CTNNA2: variants seen among roughly 807,000 people sequenced by gnomAD.
CTNNA2 encodes the protein catenin alpha 2, also known as catenin alpha-2.
CTNNA2 carries 42 observed loss-of-function variants against 101.0 expected under a neutral mutation model. The observed-to-expected ratio is 0.42, with a 90% CI of 0.32 to 0.54. The LOEUF (loss-of-function observed/expected upper bound fraction) is 0.54. Ranked by LOEUF, CTNNA2 falls within the 20% of genes least tolerant of loss-of-function variation. The pLI, the probability that CTNNA2 is intolerant of heterozygous loss-of-function variation, is 0.14. For missense variants in CTNNA2, 871 were observed against 1,223.1 expected, an observed-to-expected ratio of 0.71 and a Z score of 4.29; for synonymous variants, 450 against 456.4, an observed-to-expected ratio of 0.99 and a Z score of 0.18.
intron 9 of CTNNA2, among the ~76,000 whole-genome samples, chr2:80,437,573 T>C (rs1682153394): frequency 6.6e-6 from 1 of 152,240 alleles, no homozygotes; most frequent in South Asian, 2.1e-4. Context: ...CAATGCTTAT[T>C]TACCGAGTCT....
At chr2:80,039,115 T>C (rs966627773) in intron 7 of CTNNA2, among the ~76,000 whole-genome samples, 17 of 152,154 alleles carry the variant, frequency 1.1e-4, no homozygotes, top group Admixed American at 6.5e-5. Context: ...GCATGTTTTA[T>C]ATGTGTGTTT....
rs1322952012 is a variant in CTNNA2 at position 79,795,400 on chromosome 2, TA to T, written c.298+50823del. 2.0e-5 allele frequency among the ~76,000 whole-genome samples: 3 copies of T among 152,100 alleles called. No individual in the cohort carries two copies. The East Asian group carries it at 5.8e-4, about 29-fold the overall frequency. On this transcript the variant is annotated intron_variant, in intron 3 of 18. Coordinates refer to ENST00000402739, the MANE Select transcript of CTNNA2 (RefSeq NM_001282597.3). Reference sequence around the variant, plus strand: ...TTCCAAAAATCAAAATGAATTACTATAAAAATTCAAAATATTTTTATGTATG... The same window carrying T: ...TTCCAAAAATCAAAATGAATTACTATAAAATTCAAAATATTTTTATGTATG...
intron 7 of CTNNA2, among the ~76,000 whole-genome samples, chr2:80,226,367 G>A (rs990370967): frequency 1.3e-5 from 2 of 152,338 alleles, no homozygotes; most frequent in Non-Finnish European, 1.5e-5. Context: ...TCTTGAGAGT[G>A]TTACCAGAGG....
chr2:80,070,512 G>A (rs1698261313), intron 7 of CTNNA2, among the ~76,000 whole-genome samples: 1 of 152,026 alleles, frequency 6.6e-6, no homozygotes, highest in African/African-American at 2.4e-5. Flanking sequence ...TTTAACACCA[G>A]CCTGAGAAAC....
At chr2:80,242,724 C>T (rs1048055766) in intron 7 of CTNNA2, among the ~76,000 whole-genome samples, 2 of 152,146 alleles carry the variant, frequency 1.3e-5, no homozygotes, top group Non-Finnish European at 2.9e-5. Flanking sequence ...CCCCAGATGC[C>T]TCCCTTATCC....
chr2:79,797,123 T>A (rs541883197), intron 3 of CTNNA2, among the ~76,000 whole-genome samples: 1 of 152,298 alleles, frequency 6.6e-6, no homozygotes, highest in African/African-American at 2.4e-5. Context: ...AAGCTATTAA[T>A]GCCAGAGTGG....
At chr2:79,664,059 A>G (rs949549855) in intron 2 of CTNNA2, among the ~76,000 whole-genome samples, 3 of 152,238 alleles carry the variant, frequency 2.0e-5, no homozygotes, top group Non-Finnish European at 4.4e-5. Flanking sequence ...GCTTTTAAAA[A>G]GTGTGTATGA....
At chr2:80,629,219 G>C (rs796377827) in intron 18 of CTNNA2, among the ~76,000 whole-genome samples, 6 of 152,186 alleles carry the variant, frequency 3.9e-5, no homozygotes, top group African/African-American at 1.4e-4. Context: ...GAAGGTGCTG[G>C]ACATAACAGC....
At chr2:80,238,762 A>AAGTAAAACTGGCTTCCCCACAGG (rs1414022341) in intron 7 of CTNNA2, among the ~76,000 whole-genome samples, 4 of 152,112 alleles carry the variant, frequency 2.6e-5, no homozygotes, top group Admixed American at 2.6e-4. Context: ...AGGGTAAGTA[A>AAGTAAAACTGGCTTCCCCACAGG]AGTAAAACTG....
At chr2:79,568,226 GCTAA>G (rs1175624556) in intron 1 of CTNNA2, among the ~76,000 whole-genome samples, 2 of 152,140 alleles carry the variant, frequency 1.3e-5, no homozygotes, top group Admixed American at 6.6e-5. Context: ...TAAATTTATA[GCTAA>G]CTCTCATTCT....
chr2:80,302,234 G>T lies in CTNNA2; in HGVS notation c.1057-90977G>T. On this transcript the variant is annotated intron_variant, in intron 7 of 18. Coordinates refer to ENST00000402739, the MANE Select transcript of CTNNA2 (RefSeq NM_001282597.3). The surrounding 1 kb of genome is among the most constrained non-coding windows in gnomAD (Gnocchi z 6.4). ...AGGCGTATTTGGTAGCGCATGGGTT[G>T]AGAGCCACTGGGACAATCACACCTC... 1 of 1,606,412 alleles carries T rather than the reference G, an allele frequency of 6.2e-7. No homozygotes were observed. Among genetic ancestry groups the T allele is most frequent in the Non-Finnish European group, 8.5e-7 (1 of 1,176,436 alleles).
chr2:80,350,477 G>A (rs999318917), intron 7 of CTNNA2, among the ~76,000 whole-genome samples: 1 of 152,112 alleles, frequency 6.6e-6, no homozygotes, highest in African/African-American at 2.4e-5. Context: ...CAAGTGCAAC[G>A]CAGTTGCTAC....
intron 7 of CTNNA2, among the ~76,000 whole-genome samples, chr2:80,285,890 A>G (rs554828277): frequency 9.0e-4 from 137 of 152,320 alleles, no homozygotes; most frequent in African/African-American, 3.2e-3. Flanking sequence ...ACAAAGGTAA[A>G]AACATTTCAC....
chr2:79,635,324 C>T (rs1426914623), intron 1 of CTNNA2, among the ~76,000 whole-genome samples: 1 of 151,410 alleles, frequency 6.6e-6, no homozygotes, highest in Non-Finnish European at 1.5e-5. Flanking sequence ...CCCAGCTACT[C>T]GGGAGGCTGA....
At chr2:80,596,077 A>G (rs1696924030) in intron 15 of CTNNA2, among the ~76,000 whole-genome samples, 1 of 151,922 alleles carries the variant, frequency 6.6e-6, no homozygotes, top group Admixed American at 6.6e-5. Context: ...GAGGTTCTTC[A>G]CATTACTTAT....
chr2:80,120,584 G>A (rs1281784541), intron 7 of CTNNA2, among the ~76,000 whole-genome samples: 1 of 152,146 alleles, frequency 6.6e-6, no homozygotes, highest in Non-Finnish European at 1.5e-5. Flanking sequence ...GCATAGTGCT[G>A]TAGACACGGC....
At chr2:80,427,099 A>C (rs1001335681) in intron 9 of CTNNA2, among the ~76,000 whole-genome samples, 1 of 152,122 alleles carries the variant, frequency 6.6e-6, no homozygotes. Context: ...AGCACCTAGC[A>C]TATAGCAGGT....
chr2:79,982,388 T>TAC (rs1284671100), intron 7 of CTNNA2, among the ~76,000 whole-genome samples: 2 of 144,434 alleles, frequency 1.4e-5, no homozygotes, highest in African/African-American at 5.2e-5. Flanking sequence ...ATATATAACA[T>TAC]ATATAACATA....
chr2:79,461,124 G>C (rs185070544), intron 4 of CTNNA2, among the ~76,000 whole-genome samples: 1 of 152,316 alleles, frequency 6.6e-6, no homozygotes, highest in African/African-American at 2.4e-5. Flanking sequence ...TTATAGGCGT[G>C]AGCCACGGTT....
Sources: allele counts gnomAD v4.1 joint callset (sites outside exome capture counted in the v4.1 genomes callset), GRCh38; gene constraint gnomAD v4.1.1; non-coding constraint Gnocchi (gnomAD v3.1); transcripts MANE v1.5; gene names NCBI Gene and HGNC (gene_info 2026-07-23, HGNC 2026-07-21).